Variants in SMOC1 observed in about 807,000 individuals in gnomAD.
SMOC1 encodes SPARC related modular calcium binding 1.
A neutral mutation model predicts 56.3 loss-of-function variants in SMOC1; 22 were observed. The ratio of observed to expected loss-of-function variants is 0.39; its 90% CI spans 0.28 to 0.56. The LOEUF is 0.56. Among genes scored for constraint, SMOC1 ranks in the 20% least tolerant of loss-of-function variants. The pLI is 0.61. For missense variants in SMOC1, 509 were observed against 565.4 expected, an observed-to-expected ratio of 0.90 and a Z score of 1.01; for synonymous variants, 193 against 215.0, an observed-to-expected ratio of 0.90 and a Z score of 0.89.
At chr14:70,023,000 C>T (rs1320754182) in intron 10 of SMOC1, among the ~76,000 whole-genome samples, 1 of 152,156 alleles carries the variant, frequency 6.6e-6, no homozygotes, top group Admixed American at 6.5e-5. Context: ...CCTGGGGAGT[C>T]CTGAGAAAAG....
intron 5 of SMOC1, among the ~76,000 whole-genome samples, chr14:69,985,492 A>G (rs772284879): frequency 6.6e-6 from 1 of 152,154 alleles, no homozygotes; most frequent in African/African-American, 2.4e-5. Flanking sequence ...AAGTAGAAAA[A>G]AAACCCCAAA....
intron 1 of SMOC1, among the ~76,000 whole-genome samples, chr14:69,918,150 C>G (rs1359091115): frequency 6.6e-6 from 1 of 152,076 alleles, no homozygotes; most frequent in Non-Finnish European, 1.5e-5. Flanking sequence ...CTCTTAGTAA[C>G]TTTCAAGTAT....
intron 3 of SMOC1, among the ~76,000 whole-genome samples, chr14:69,970,494 A>G (rs1883720907): frequency 6.6e-6 from 1 of 152,204 alleles, no homozygotes; most frequent in South Asian, 2.1e-4. Context: ...CTAGCTTTGA[A>G]CAAATAACTT....
At chr14:70,007,957 T>C (rs575960777) in intron 7 of SMOC1, among the ~76,000 whole-genome samples, 4 of 152,258 alleles carry the variant, frequency 2.6e-5, no homozygotes, top group Admixed American at 1.3e-4. Flanking sequence ...ATCACTCCTG[T>C]CTCTTTCTTA....
At chr14:69,919,682 A>C (rs1232555576) in intron 1 of SMOC1, among the ~76,000 whole-genome samples, 1 of 152,182 alleles carries the variant, frequency 6.6e-6, no homozygotes. Context: ...ACAATCATCA[A>C]AGCTGCAATG....
chr14:69,962,677 A>T (rs529430749), intron 3 of SMOC1, among the ~76,000 whole-genome samples: 2 of 151,984 alleles, frequency 1.3e-5, no homozygotes, highest in Non-Finnish European at 2.9e-5. Context: ...CTTGGGCTCA[A>T]GCGATCCTCC....
At chr14:69,954,925 A>G (rs1883133240) in intron 3 of SMOC1, among the ~76,000 whole-genome samples, 1 of 152,200 alleles carries the variant, frequency 6.6e-6, no homozygotes, top group East Asian at 1.9e-4. Context: ...CTGTTGAGGT[A>G]GAAATGTAGA....
At chr14:69,993,938 G>T (rs1015783497) in intron 6 of SMOC1, among the ~76,000 whole-genome samples, 7 of 152,206 alleles carry the variant, frequency 4.6e-5, no homozygotes, top group Admixed American at 2.0e-4. Flanking sequence ...TTAGAAAGGG[G>T]ATTGAAGCAC....
At chr14:69,994,690 C>T (rs931566000) in intron 7 of SMOC1, among the ~76,000 whole-genome samples, 2 of 152,130 alleles carry the variant, frequency 1.3e-5, no homozygotes, top group African/African-American at 2.4e-5. Flanking sequence ...TTTCTTAGGT[C>T]GTTGATCCTC....
chr14:70,023,533 C>T, intron 11 of SMOC1, 86 bp downstream of exon 11: 1 of 1,559,352 alleles, frequency 6.4e-7, no homozygotes, highest in Non-Finnish European at 8.8e-7. Flanking sequence ...AAATGAGATT[C>T]CAGATACTCA....
intron 7 of SMOC1, among the ~76,000 whole-genome samples, chr14:70,000,829 TC>T (rs1287433782): frequency 2.0e-5 from 3 of 152,200 alleles, no homozygotes; most frequent in Admixed American, 6.5e-5. Flanking sequence ...TTACACCTCC[TC>T]ACCCATGACA....
At chr14:69,881,689 CAT>C (rs1054745198) in intron 1 of SMOC1, among the ~76,000 whole-genome samples, 6 of 152,040 alleles carry the variant, frequency 3.9e-5, no homozygotes, top group African/African-American at 1.4e-4. Context: ...CACACACACA[CAT>C]GTGCACACAC....
At chr14:69,881,806 T>C (rs1883647926) in intron 1 of SMOC1, among the ~76,000 whole-genome samples, 1 of 152,180 alleles carries the variant, frequency 6.6e-6, no homozygotes, top group South Asian at 2.1e-4. Context: ...TATGAACATC[T>C]GGGCTGGGCA....
chr14:69,936,876 C>T (rs566425312), intron 1 of SMOC1, among the ~76,000 whole-genome samples: 3 of 152,238 alleles, frequency 2.0e-5, no homozygotes, highest in Admixed American at 2.0e-4. Context: ...TTGTCTTTCT[C>T]TTTTTCTGTC....
chr14:69,959,317 A>G (rs531983488), intron 3 of SMOC1, among the ~76,000 whole-genome samples: 11 of 152,326 alleles, frequency 7.2e-5, no homozygotes, highest in African/African-American at 2.2e-4. Flanking sequence ...TCAAAAGGCC[A>G]TGCACTTTTT....
At position 70,032,285 on chromosome 14, in the gene SMOC1, G is replaced by A. The variant is rs1886182453; in HGVS notation, c.*2027G>A. The stretch of plus-strand genomic sequence containing the variant: ...CCACAGGATCGTGTGTGTAGGTGGT[G>A]TTGTGTGGTTTTCCTTTGTGAAGGA... On this transcript the variant is annotated 3_prime_UTR_variant, in exon 12 of 12. Coordinates refer to ENST00000361956, the MANE Select transcript of SMOC1 (RefSeq NM_001034852.3). The A allele has an allele frequency of 6.6e-6, 1 of 152,296 alleles. No homozygotes were observed. The highest frequency in any genetic ancestry group is 2.4e-5 in the African/African-American group (1 of 41,466). The allele number at this position is 152,296 out of a possible 1,614,324, so 9.4% of individuals were successfully genotyped here. A position where few individuals can be genotyped will look rare whatever the true frequency, so the allele number is the denominator to read the frequency against.
chr14:69,987,161 T>C (rs1326173855), intron 5 of SMOC1, among the ~76,000 whole-genome samples: 2 of 152,204 alleles, frequency 1.3e-5, no homozygotes, highest in African/African-American at 2.4e-5. Flanking sequence ...ATGTGGTCCC[T>C]TCAAAGCAAG....
At chr14:69,917,383 A>T (rs956906863) in intron 1 of SMOC1, among the ~76,000 whole-genome samples, 4 of 152,238 alleles carry the variant, frequency 2.6e-5, no homozygotes, top group Admixed American at 2.6e-4. Flanking sequence ...CACATGGGCC[A>T]TTGTGGTGAA....
At chr14:70,005,184 A>G (rs978418640) in intron 7 of SMOC1, among the ~76,000 whole-genome samples, 1 of 152,260 alleles carries the variant, frequency 6.6e-6, no homozygotes, top group Non-Finnish European at 1.5e-5. Context: ...AAAAAAGAAG[A>G]GAAAGGAAAA....
Sources: gnomAD v4.1 joint callset for allele counts (sites outside exome capture counted in the v4.1 genomes callset) on GRCh38, gnomAD v4.1.1 for gene constraint, MANE v1.5 for transcripts, NCBI Gene and HGNC (gene_info 2026-07-23, HGNC 2026-07-21) for gene names.